The following BCAS3 variants were observed in gnomAD, a reference collection of about 807,000 sequenced individuals.
BCAS3 encodes the protein BCAS3 microtubule associated cell migration factor, also known as BCAS4/BCAS3 fusion.
Under a neutral mutation model 116.1 loss-of-function variants are expected in BCAS3, and 53 were observed. The observed-to-expected ratio is 0.46, with a 90% CI of 0.37 to 0.57. BCAS3 has a LOEUF of 0.57. Among genes scored for constraint, BCAS3 ranks in the 20% least tolerant of loss-of-function variants. The pLI, the probability that BCAS3 is intolerant of heterozygous loss-of-function variation, is 0.00. For missense variants in BCAS3, 917 were observed against 1,165.4 expected (o/e 0.79, Z 3.10); for synonymous variants, 391 against 408.2 (o/e 0.96, Z 0.51).
chr17:61,084,481 G>C lies in BCAS3; in HGVS notation c.2342G>C (p.Arg781Pro). The C allele has an allele frequency of 6.2e-7, 1 of 1,613,602 alleles. No individual in the cohort carries two copies. Among genetic ancestry groups the C allele is most frequent in the Non-Finnish European group, 8.5e-7 (1 of 1,179,806 alleles). ...TTGCATTGCAGGATCCAGCCAGTCC[G>C]CTCTGACCCCGTCAGCATGCCAGGG... is the stretch of plus-strand genomic sequence containing the variant. ...DLNSLRIQPV[R>P]SDPVSMPGSS... The change falls in exon 22 of 24, where the codon CGC becomes CCC. Residue 781 changes from arginine (R) to proline (P), a missense_variant. By Grantham distance (103) the Arg-to-Pro change is moderately radical. Transcript: ENST00000407086. This position sits in a 1 kb window ranked among gnomAD's most constrained non-coding sequence, Gnocchi z 5.5.
intron 1 of BCAS3, among the ~76,000 whole-genome samples, chr17:60,678,953 G>A (rs1414338971): frequency 1.3e-5 from 2 of 152,214 alleles, no homozygotes; most frequent in East Asian, 1.9e-4. Context: ...GATGGGCGCG[G>A]TGGCTCAAGC....
In BCAS3 at chr17:61,208,158, G is replaced by A. The variant is rs776757000; in HGVS notation, c.2425+123594G>A. 4.5e-4 allele frequency among the ~76,000 whole-genome samples: 68 copies of A among 152,070 alleles called. No individual in the cohort carries two copies. The highest frequency in any genetic ancestry group is 7.4e-4 in the Non-Finnish European group (50 of 68,010). The stretch of plus-strand genomic sequence containing the variant: ...TATTTCAAATCTAAATTCAGGATGG[G>A]AAGGTTTCATGAACTTTCCAGAGAC... On this transcript the variant is annotated intron_variant, in intron 22 of 23. Transcript: ENST00000407086. This position sits in a 1 kb window ranked among gnomAD's most constrained non-coding sequence, Gnocchi z 4.5.
At chr17:60,808,827 G>T (rs1362279358) in intron 7 of BCAS3, among the ~76,000 whole-genome samples, 1 of 152,210 alleles carries the variant, frequency 6.6e-6, no homozygotes, top group Admixed American at 6.5e-5. Flanking sequence ...AGAGAAGGGA[G>T]AGATCAGTGT....
chr17:60,918,267 C>T (rs1361987839), intron 12 of BCAS3, among the ~76,000 whole-genome samples: 1 of 152,010 alleles, frequency 6.6e-6, no homozygotes, highest in Non-Finnish European at 1.5e-5. Flanking sequence ...GATGTTAAGC[C>T]TCTTCTCATT....
chr17:60,760,391 G>A lies in BCAS3; in HGVS notation c.403+13112G>A, dbSNP rs529077154. Reference sequence around the variant, plus strand: ...CATCTCTTGTAGGCCTAGTCTAGTGGTGATGAATTCCCCCAGCTTTTGTTA... The same window carrying A: ...CATCTCTTGTAGGCCTAGTCTAGTGATGATGAATTCCCCCAGCTTTTGTTA... On this transcript the variant is annotated intron_variant, in intron 6 of 23. Coordinates refer to ENST00000407086, the MANE Select transcript of BCAS3 (RefSeq NM_017679.5). Among the ~76,000 whole-genome samples, 258 of 142,208 alleles carry A rather than the reference G, an allele frequency of 1.8e-3. 2 individuals carry two copies. Among genetic ancestry groups the A allele is most frequent in the African/African-American group, 7.3e-3 (235 of 32,160 alleles). 93.3% of individuals were successfully genotyped at this position (142,208 alleles called of 152,430 possible).
At chr17:60,809,324 A>G (rs960165894) in intron 7 of BCAS3, among the ~76,000 whole-genome samples, 1 of 152,188 alleles carries the variant, frequency 6.6e-6, no homozygotes, top group Non-Finnish European at 1.5e-5. Context: ...GCCATCTGCA[A>G]AACAGATGAA....
chr17:61,210,956 C>T (rs2081422996), intron 22 of BCAS3, among the ~76,000 whole-genome samples: 1 of 152,064 alleles, frequency 6.6e-6, no homozygotes. Context: ...AGTCTATCAC[C>T]AATCTATCTG....
intron 14 of BCAS3, among the ~76,000 whole-genome samples, chr17:60,981,639 C>T (rs1309321342): frequency 6.6e-6 from 1 of 152,076 alleles, no homozygotes; most frequent in Admixed American, 6.5e-5. Context: ...GACAGAGTTG[C>T]AATGTATTTT....
At chr17:61,328,850 T>C (rs1253111081) in intron 22 of BCAS3, among the ~76,000 whole-genome samples, 1 of 151,784 alleles carries the variant, frequency 6.6e-6, no homozygotes, top group African/African-American at 2.4e-5. Context: ...AGCCATCGTC[T>C]TTCTGTGCCT....
rs140786588 is a variant in BCAS3 at position 61,175,624 on chromosome 17, G to T, written c.2425+91060G>T. ...ATATGATAGCTCTATTTTTAATTTT[G>T]GGGGAAACCTCAATACTGTTTTCCA... On this transcript the variant is annotated intron_variant, in intron 22 of 23. Transcript: ENST00000407086. 7.0e-3 allele frequency among the ~76,000 whole-genome samples: 1,062 copies of T among 152,178 alleles called. 7 individuals carry two copies. Among genetic ancestry groups the T allele is most frequent in the Middle Eastern group, 0.024 (7 of 294 alleles).
chr17:60,785,820 A>G (rs2046237886), intron 6 of BCAS3, among the ~76,000 whole-genome samples: 1 of 152,236 alleles, frequency 6.6e-6, no homozygotes, highest in Non-Finnish European at 1.5e-5. Context: ...TGTGGATTCA[A>G]CCAACTATGG....
chr17:61,269,210 G>T (rs1194263322), intron 22 of BCAS3, among the ~76,000 whole-genome samples: 1 of 151,336 alleles, frequency 6.6e-6, no homozygotes, highest in East Asian at 2.0e-4. Context: ...AGCCTCCTGG[G>T]TTCAAGCAAT....
At chr17:61,133,152 C>G (rs1163999179) in intron 22 of BCAS3, among the ~76,000 whole-genome samples, 1 of 152,130 alleles carries the variant, frequency 6.6e-6, no homozygotes, top group Non-Finnish European at 1.5e-5. Flanking sequence ...AACAAAACCC[C>G]AGAACAACAA....
Position 61,392,265 on chromosome 17 carries a change from C to A in BCAS3, c.*140C>A, listed in dbSNP as rs1196396325. 2 of 1,049,372 alleles carry A rather than the reference C, an allele frequency of 1.9e-6. No homozygotes were observed. The highest frequency in any genetic ancestry group is 2.7e-6 in the Non-Finnish European group (2 of 738,192). 65.0% of individuals were successfully genotyped at this position (1,049,372 alleles called of 1,614,324 possible). A position where few individuals can be genotyped will look rare whatever the true frequency, so the allele number is the denominator to read the frequency against. On this transcript the variant is annotated 3_prime_UTR_variant, in exon 24 of 24. Transcript: ENST00000407086. This position sits in a 1 kb window ranked among gnomAD's most constrained non-coding sequence, Gnocchi z 6.4. ...AAGCTTAGTGACAGCAGCCGCCCATCCTACCTGGATGGAGAAGAGACCCTT... is the reference window on the plus strand; with the variant it reads ...AAGCTTAGTGACAGCAGCCGCCCATACTACCTGGATGGAGAAGAGACCCTT...
rs1419252208 is a variant in BCAS3 at position 61,131,854 on chromosome 17, A to C, written c.2425+47290A>C. ...AAAACCAGTCCTTGGCATTCCCCAT[A>C]GCTCCTCTGAGCTTTTGAAAAGGAG... is the stretch of plus-strand genomic sequence containing the variant. On this transcript the variant is annotated intron_variant, in intron 22 of 23. Coordinates refer to ENST00000407086, the MANE Select transcript of BCAS3 (RefSeq NM_017679.5). The surrounding 1 kb of genome is among the most constrained non-coding windows in gnomAD (Gnocchi z 4.4). 6.6e-6 allele frequency among the ~76,000 whole-genome samples: 1 copy of C among 152,242 alleles called. No homozygotes were observed. Among genetic ancestry groups the C allele is most frequent in the Non-Finnish European group, 1.5e-5 (1 of 68,040 alleles).
intron 15 of BCAS3, among the ~76,000 whole-genome samples, chr17:60,997,599 G>A (rs994125200): frequency 2.0e-5 from 3 of 152,094 alleles, no homozygotes; most frequent in Non-Finnish European, 4.4e-5. Flanking sequence ...AATGAATAAA[G>A]CATATCTTCC....
chr17:60,798,755 C>T (rs1238491517), intron 6 of BCAS3, among the ~76,000 whole-genome samples: 1 of 152,208 alleles, frequency 6.6e-6, no homozygotes, highest in African/African-American at 2.4e-5. Context: ...TTGTAAGAAA[C>T]TGCCAAACTC....
intron 12 of BCAS3, among the ~76,000 whole-genome samples, chr17:60,915,399 C>T (rs1159372969): frequency 6.6e-6 from 1 of 152,020 alleles, no homozygotes; most frequent in Non-Finnish European, 1.5e-5. Flanking sequence ...AATTTTATCC[C>T]ATGTATACAT....
At chr17:60,910,414 T>C in intron 11 of BCAS3, 118 bp from the exon 12 acceptor site, 2 of 775,388 alleles carry the variant, frequency 2.6e-6, no homozygotes, top group East Asian at 3.2e-5. Context: ...AGTTTACTGC[T>C]ATAAAAGATT....
Sources: gnomAD v4.1 joint callset for allele counts (sites outside exome capture counted in the v4.1 genomes callset) on GRCh38, gnomAD v4.1.1 for gene constraint, Gnocchi (gnomAD v3.1) non-coding constraint, MANE v1.5 for transcripts, NCBI Gene and HGNC (gene_info 2026-07-23, HGNC 2026-07-21) for gene names.